Variants in ZCCHC7 observed in about 807,000 individuals in gnomAD.
The protein encoded by ZCCHC7 is zinc finger CCHC domain-containing protein 7.
In ZCCHC7, 35 loss-of-function variants were observed where a neutral mutation model predicts 52.0. The observed-to-expected ratio is 0.67, with a 90% CI of 0.51 to 0.89. The LOEUF is 0.89. ZCCHC7 is among the 40% of genes least tolerant of loss of function. The probability of loss-of-function intolerance (pLI) is 0.00; values close to 1 mark genes in which losing one functional copy is unlikely to be tolerated. For synonymous variants in ZCCHC7, 217 were observed against 221.5 expected, an observed-to-expected ratio of 0.98 and a Z score of 0.18; for missense variants, 574 against 649.1, an observed-to-expected ratio of 0.88 and a Z score of 1.26.
At chr9:37,259,911 G>T (rs1052056499) in intron 2 of ZCCHC7, among the ~76,000 whole-genome samples, 2 of 152,142 alleles carry the variant, frequency 1.3e-5, no homozygotes, top group Non-Finnish European at 2.9e-5. Context: ...CATTAAAACA[G>T]TTGGTTCTCA....
At chr9:37,352,497 A>G (rs970048075) in intron 7 of ZCCHC7, among the ~76,000 whole-genome samples, 6 of 144,234 alleles carry the variant, frequency 4.2e-5, no homozygotes, top group Admixed American at 2.0e-4. Context: ...ACCTTTGCAT[A>G]ATCACAATTT....
intron 2 of ZCCHC7, among the ~76,000 whole-genome samples, chr9:37,274,073 C>T (rs944886402): frequency 3.3e-5 from 5 of 152,134 alleles, no homozygotes; most frequent in Admixed American, 3.3e-4. Context: ...CAGCTTGCTG[C>T]CAGTGCATTT....
intron 2 of ZCCHC7, among the ~76,000 whole-genome samples, chr9:37,146,093 C>T (rs1309041868): frequency 2.0e-5 from 3 of 151,906 alleles, no homozygotes; most frequent in Non-Finnish European, 4.4e-5. Context: ...ACTCATTCTT[C>T]GAGAGTTGCT....
intron 2 of ZCCHC7, among the ~76,000 whole-genome samples, chr9:37,234,851 C>G (rs980320781): frequency 2.0e-5 from 3 of 152,148 alleles, no homozygotes; most frequent in Admixed American, 1.3e-4. Context: ...ACTCTTTTAA[C>G]AATTTATTGA....
At chr9:37,310,888 TC>T (rs1829562554) in intron 5 of ZCCHC7, among the ~76,000 whole-genome samples, 1 of 146,346 alleles carries the variant, frequency 6.8e-6, no homozygotes, top group African/African-American at 2.6e-5. Context: ...GCCCAGGAGA[TC>T]AAGGCTGCAG....
At chr9:37,162,232 A>G (rs1418225329) in intron 2 of ZCCHC7, among the ~76,000 whole-genome samples, 3 of 152,070 alleles carry the variant, frequency 2.0e-5, no homozygotes, top group Non-Finnish European at 4.4e-5. Context: ...ATACTATAGT[A>G]TGTCAACTAT....
intron 2 of ZCCHC7, among the ~76,000 whole-genome samples, chr9:37,253,693 A>G (rs1826438586): frequency 1.3e-5 from 2 of 152,010 alleles, no homozygotes; most frequent in South Asian, 4.1e-4. Flanking sequence ...TACAGGTAAC[A>G]TGAATATGAG....
intron 2 of ZCCHC7, among the ~76,000 whole-genome samples, chr9:37,161,345 C>T (rs936587292): frequency 1.3e-5 from 2 of 152,050 alleles, no homozygotes; most frequent in African/African-American, 4.8e-5. Context: ...GAGGTCAAGG[C>T]GGGCAGATCA....
At chr9:37,327,135 TTTG>T (rs1830276887) in intron 5 of ZCCHC7, 1 of 152,130 alleles carries the variant, frequency 6.6e-6, no homozygotes. Flanking sequence ...GGTTGGTTCT[TTTG>T]TTGTTACCTA....
chr9:37,279,433 TAA>T (rs923483699), intron 2 of ZCCHC7, among the ~76,000 whole-genome samples: 2 of 151,378 alleles, frequency 1.3e-5, no homozygotes, highest in African/African-American at 4.9e-5. Flanking sequence ...CAAAAAAACA[TAA>T]GGACATAAAC....
chr9:37,307,786 A>G (rs1829398409), intron 5 of ZCCHC7, among the ~76,000 whole-genome samples: 1 of 152,202 alleles, frequency 6.6e-6, no homozygotes, highest in Non-Finnish European at 1.5e-5. Context: ...TGTAAATAAC[A>G]TGACAATTAT....
rs376233197 is a variant in ZCCHC7, at chr9:37,356,955, C to T, written c.1319C>T (p.Pro440Leu). The change falls in exon 9 of 9, where the codon CCT becomes CTT. Residue 440 changes from proline (P) to leucine (L), a missense_variant. This residue lies in a region of ZCCHC7 where 168 missense variants were observed against 171.6 expected (regional missense o/e 0.98). Transcript: ENST00000336755. Reference protein sequence around the residue: ...GRASWKSNRWPQENKETQKEM... With the variant: ...GRASWKSNRWLQENKETQKEM... ...GCCTCATGGAAAAGCAACAGGTGGC[C>T]TCAAGAAAATAAAGAAACACAAAAA... 3.1e-6 allele frequency: 5 copies of T among 1,613,396 alleles called. No homozygotes were observed. The African/African-American group carries it at 5.4e-5, about 17-fold the overall frequency.
intron 2 of ZCCHC7, among the ~76,000 whole-genome samples, chr9:37,275,784 A>C (rs1253167596): frequency 6.6e-6 from 1 of 152,174 alleles, no homozygotes; most frequent in Non-Finnish European, 1.5e-5. Flanking sequence ...CTGAGATTAC[A>C]GGCACCCACC....
intron 2 of ZCCHC7, among the ~76,000 whole-genome samples, chr9:37,137,446 A>G (rs1843045004): frequency 6.6e-6 from 1 of 152,202 alleles, no homozygotes; most frequent in Non-Finnish European, 1.5e-5. Context: ...ATGTGGCTGG[A>G]TGTGATGAAA....
intron 2 of ZCCHC7, among the ~76,000 whole-genome samples, chr9:37,147,951 C>T (rs1843509670): frequency 6.6e-6 from 1 of 152,000 alleles, no homozygotes; most frequent in South Asian, 2.1e-4. Flanking sequence ...ATAATGATGT[C>T]TATTCCTGTA....
At chr9:37,142,221 A>T (rs1297755366) in intron 2 of ZCCHC7, among the ~76,000 whole-genome samples, 2 of 151,474 alleles carry the variant, frequency 1.3e-5, no homozygotes, top group Non-Finnish European at 3.0e-5. Flanking sequence ...TAAATAGGCT[A>T]AAAAAAACCT....
chr9:37,194,435 G>A (rs1232497522), intron 2 of ZCCHC7, among the ~76,000 whole-genome samples: 1 of 152,138 alleles, frequency 6.6e-6, no homozygotes, highest in Non-Finnish European at 1.5e-5. Flanking sequence ...ATGAAGCAGT[G>A]TATTTAGTAT....
At chr9:37,205,867 A>G (rs549757137) in intron 2 of ZCCHC7, among the ~76,000 whole-genome samples, 146 of 151,090 alleles carry the variant, frequency 9.7e-4, no homozygotes, top group African/African-American at 3.4e-3. Flanking sequence ...CATTTGTACA[A>G]TTGTGGATTT....
intron 2 of ZCCHC7, among the ~76,000 whole-genome samples, chr9:37,156,562 A>C (rs1820825008): frequency 6.6e-6 from 1 of 152,226 alleles, no homozygotes; most frequent in Admixed American, 6.5e-5. Context: ...AAATGGCTAT[A>C]AAAGAGGTCA....
Sources: allele counts gnomAD v4.1 joint callset (sites outside exome capture counted in the v4.1 genomes callset), GRCh38; gene constraint gnomAD v4.1.1; regional missense constraint gnomAD v4.1.1; transcripts MANE v1.5; gene names NCBI Gene and HGNC (gene_info 2026-07-23, HGNC 2026-07-21).